Variants in SLC35F1 observed in about 807,000 individuals in gnomAD.
The protein encoded by SLC35F1 is solute carrier family 35 member F1.
SLC35F1 carries 14 observed loss-of-function variants against 48.7 expected under a neutral mutation model. That is an observed-to-expected ratio of 0.29 (90% CI 0.19 to 0.45). The LOEUF (loss-of-function observed/expected upper bound fraction) is 0.45, where lower values mean the gene tolerates loss of function less well. SLC35F1 is among the 20% of genes least tolerant of loss of function. SLC35F1 has a pLI of 1.00. For missense variants in SLC35F1, 404 were observed against 500.0 expected, an observed-to-expected ratio of 0.81 and a Z score of 1.83; for synonymous variants, 190 against 202.2, an observed-to-expected ratio of 0.94 and a Z score of 0.51.
intron 1 of SLC35F1, among the ~76,000 whole-genome samples, chr6:118,073,674 A>G (rs1252934725): frequency 3.9e-5 from 6 of 152,236 alleles, no homozygotes; most frequent in Admixed American, 3.3e-4. Flanking sequence ...TTTATGTAAC[A>G]TGATTGAACA....
chr6:118,282,077 A>G (rs1775991168), intron 6 of SLC35F1, among the ~76,000 whole-genome samples: 1 of 152,158 alleles, frequency 6.6e-6, no homozygotes, highest in African/African-American at 2.4e-5. Context: ...TTATACACAT[A>G]CTCTGTTATA....
At chr6:118,180,681 G>A (rs527594205) in intron 2 of SLC35F1, among the ~76,000 whole-genome samples, 1 of 152,012 alleles carries the variant, frequency 6.6e-6, no homozygotes, top group Non-Finnish European at 1.5e-5. Flanking sequence ...ATAGAAAGAT[G>A]AAAATATGAA....
At chr6:118,175,837 T>A (rs540988795) in intron 2 of SLC35F1, among the ~76,000 whole-genome samples, 1 of 152,118 alleles carries the variant, frequency 6.6e-6, no homozygotes, top group Admixed American at 6.6e-5. Context: ...TGAGAAAGTA[T>A]CCGTAGTCAT....
intron 2 of SLC35F1, among the ~76,000 whole-genome samples, chr6:118,162,232 A>G (rs1774247621): frequency 6.6e-6 from 1 of 152,252 alleles, no homozygotes. Flanking sequence ...TAATCTCAAA[A>G]GCATTACACT....
At chr6:117,989,168 C>T (rs895467238) in intron 1 of SLC35F1, among the ~76,000 whole-genome samples, 1 of 152,184 alleles carries the variant, frequency 6.6e-6, no homozygotes, top group Non-Finnish European at 1.5e-5. Context: ...TGTCCACTCC[C>T]CAAATCCCAG....
In SLC35F1 at chr6:118,314,265, C is replaced by A; in HGVS notation, c.*13C>A. 1 of 1,612,602 alleles carries A rather than the reference C, an allele frequency of 6.2e-7. No homozygotes were observed. The highest frequency in any genetic ancestry group is 1.1e-5 in the South Asian group (1 of 91,044). On this transcript the variant is annotated 3_prime_UTR_variant, in exon 8 of 8. Coordinates refer to ENST00000360388, the MANE Select transcript of SLC35F1 (RefSeq NM_001029858.4). The stretch of plus-strand genomic sequence containing the variant: ...TCGTGTGGCCTAGGGTGAGGCCCGC[C>A]CTGCCAACTGAGGCCAACTCATTGG...
At position 118,258,334 on chromosome 6, in the gene SLC35F1, A is replaced by G. The variant is rs905432424; in HGVS notation, c.478-8661A>G. 2.9e-4 allele frequency among the ~76,000 whole-genome samples: 44 copies of G among 152,282 alleles called. 1 individual carries two copies. The highest frequency in any genetic ancestry group is 4.9e-4 in the Non-Finnish European group (33 of 67,966). ...CATCAATATCACTGTGCTCTTTTCG[A>G]AAAGGGTAATTTTTACCCAACTGAT... On this transcript the variant is annotated intron_variant, in intron 3 of 7. Coordinates refer to ENST00000360388, the MANE Select transcript of SLC35F1 (RefSeq NM_001029858.4).
At chr6:118,112,515 T>C (rs917562255) in intron 1 of SLC35F1, among the ~76,000 whole-genome samples, 4 of 152,148 alleles carry the variant, frequency 2.6e-5, no homozygotes, top group African/African-American at 9.7e-5. Context: ...ATAAACTTGC[T>C]TTTGCTTTGC....
chr6:118,173,645 G>A (rs547501677), intron 2 of SLC35F1, among the ~76,000 whole-genome samples: 62 of 152,252 alleles, frequency 4.1e-4, no homozygotes, highest in South Asian at 3.3e-3. Context: ...CTTTGCAGAC[G>A]AAGGAGAGTA....
intron 2 of SLC35F1, among the ~76,000 whole-genome samples, chr6:118,157,588 C>T (rs375211699): frequency 9.9e-5 from 15 of 152,128 alleles, no homozygotes; most frequent in African/African-American, 2.9e-4. Context: ...AGTCTGTGGC[C>T]GAAGTCCCCA....
intron 1 of SLC35F1, among the ~76,000 whole-genome samples, chr6:117,968,105 TTTC>T (rs1179673925): frequency 9.9e-5 from 15 of 152,192 alleles, no homozygotes; most frequent in African/African-American, 3.6e-4. Context: ...CTAGTAGAAC[TTTC>T]TTGTTTGCTT....
intron 2 of SLC35F1, among the ~76,000 whole-genome samples, chr6:118,228,092 A>G (rs1775241122): frequency 6.6e-6 from 1 of 152,170 alleles, no homozygotes; most frequent in South Asian, 2.1e-4. Flanking sequence ...AAAATATCAA[A>G]GGGCTGCCTT....
intron 2 of SLC35F1, among the ~76,000 whole-genome samples, chr6:118,185,832 GT>G (rs919823387): frequency 5.3e-5 from 8 of 152,120 alleles, no homozygotes; most frequent in South Asian, 2.1e-4. Flanking sequence ...AAAGATTGGG[GT>G]TTTTTTGTTG....
chr6:118,163,929 G>A (rs183752260), intron 2 of SLC35F1, among the ~76,000 whole-genome samples: 201 of 152,372 alleles, frequency 1.3e-3, no homozygotes, highest in African/African-American at 4.7e-3. Context: ...CCATCTTGCA[G>A]ACACTATTGC....
chr6:118,116,820 G>T (rs761177829), intron 1 of SLC35F1, among the ~76,000 whole-genome samples: 7 of 152,140 alleles, frequency 4.6e-5, no homozygotes, highest in Non-Finnish European at 8.8e-5. Flanking sequence ...ACTGCAGATA[G>T]GAGACCATTA....
At chr6:117,954,574 A>G (rs1776403734) in intron 1 of SLC35F1, among the ~76,000 whole-genome samples, 1 of 152,136 alleles carries the variant, frequency 6.6e-6, no homozygotes, top group South Asian at 2.1e-4. Context: ...TTTCTTTTTA[A>G]AGAGTCACTG....
In SLC35F1 at chr6:117,945,484, C is replaced by A. The variant is rs542532649; in HGVS notation, c.173+37585C>A. On this transcript the variant is annotated intron_variant, in intron 1 of 7. Coordinates refer to ENST00000360388, the MANE Select transcript of SLC35F1 (RefSeq NM_001029858.4). Reference sequence around the variant, plus strand: ...GTAGATTGTTATTTAGGAAGAGTAACTCATATTATGGGTATATAATACTCC... The same window carrying A: ...GTAGATTGTTATTTAGGAAGAGTAAATCATATTATGGGTATATAATACTCC... Among the ~76,000 whole-genome samples the A allele has an allele frequency of 2.0e-5, 3 of 152,240 alleles. No homozygotes were observed. The East Asian group carries it at 5.8e-4, about 29-fold the overall frequency.
At chr6:117,951,647 G>T (rs1360049106) in intron 1 of SLC35F1, among the ~76,000 whole-genome samples, 1 of 152,148 alleles carries the variant, frequency 6.6e-6, no homozygotes, top group Admixed American at 6.5e-5. Flanking sequence ...TGGCTTCCTT[G>T]AAAGAAGTGT....
At chr6:118,028,528 C>T (rs1385591768) in intron 1 of SLC35F1, among the ~76,000 whole-genome samples, 3 of 151,852 alleles carry the variant, frequency 2.0e-5, no homozygotes, top group African/African-American at 4.8e-5. Flanking sequence ...TGGTTTAGAG[C>T]GACCATATTG....
Sources: allele counts gnomAD v4.1 joint callset (sites outside exome capture counted in the v4.1 genomes callset), GRCh38; gene constraint gnomAD v4.1.1; transcripts MANE v1.5; gene names NCBI Gene and HGNC (gene_info 2026-07-23, HGNC 2026-07-21).